FAM151B: variants seen among roughly 807,000 people sequenced by gnomAD.
FAM151B encodes the protein protein FAM151B.
In FAM151B, 24 loss-of-function variants were observed where a neutral mutation model predicts 31.2. The observed-to-expected ratio is 0.77, with a 90% CI of 0.56 to 1.08. FAM151B has a LOEUF of 1.08. FAM151B is among the 50% of genes least tolerant of loss of function. FAM151B has a pLI of 0.00. For missense variants in FAM151B, 293 were observed against 328.6 expected, an observed-to-expected ratio of 0.89 and a Z score of 0.84; for synonymous variants, 105 against 111.4, an observed-to-expected ratio of 0.94 and a Z score of 0.36.
rs373906305 is a variant in FAM151B at position 80,541,625 on chromosome 5, C to T, written c.672-48C>T. The T allele has an allele frequency of 3.1e-5, 49 of 1,565,724 alleles. 1 individual carries two copies. The Middle Eastern group carries it at 6.7e-4, about 21-fold the overall frequency. On this transcript the variant is annotated intron_variant, in intron 5 of 5. Transcript: ENST00000282226. ...TTTTAGGCTTATTGGAATGACTCAT[C>T]GCTTTCTTCCACTTTTAACTGTATA...
chr5:80,511,691 C>A (rs1191042250), intron 2 of FAM151B, among the ~76,000 whole-genome samples: 2 of 152,086 alleles, frequency 1.3e-5, no homozygotes, highest in African/African-American at 4.8e-5. Context: ...ACTGCAACTT[C>A]CGCCTCCTGG....
intron 4 of FAM151B, among the ~76,000 whole-genome samples, chr5:80,520,341 T>G (rs142662174): frequency 6.6e-6 from 1 of 152,104 alleles, no homozygotes; most frequent in East Asian, 1.9e-4. Context: ...GAGTATAGAG[T>G]TATTTAAAAT....
At chr5:80,507,118 CAA>C (rs58200677) in intron 2 of FAM151B, among the ~76,000 whole-genome samples, 15,843 of 112,214 alleles carry the variant, frequency 0.14, 1,495 homozygotes, top group African/African-American at 0.31. Context: ...GACTCCATCT[CAA>C]AAAAAAAAAA....
At chr5:80,508,737 C>T (rs1744075510) in intron 2 of FAM151B, among the ~76,000 whole-genome samples, 1 of 152,192 alleles carries the variant, frequency 6.6e-6, no homozygotes, top group African/African-American at 2.4e-5. Flanking sequence ...TCAGAAGCCA[C>T]ACCCCCGTCT....
chr5:80,531,085 C>T (rs1045341391), intron 5 of FAM151B, among the ~76,000 whole-genome samples: 43 of 152,118 alleles, frequency 2.8e-4, no homozygotes, highest in African/African-American at 9.4e-4. Context: ...TGAGACCGCA[C>T]GTCTGCAACC....
intron 5 of FAM151B, among the ~76,000 whole-genome samples, chr5:80,533,175 A>G (rs1745326495): frequency 6.6e-6 from 1 of 151,584 alleles, no homozygotes; most frequent in African/African-American, 2.4e-5. Flanking sequence ...CAGGAGATCA[A>G]GATCATCCTG....
chr5:80,490,873 T>C (rs1038242526), intron 1 of FAM151B, among the ~76,000 whole-genome samples: 12 of 152,218 alleles, frequency 7.9e-5, no homozygotes, highest in Non-Finnish European at 1.6e-4. Context: ...CTGTGAACAT[T>C]TGTGTACAAG....
At chr5:80,499,298 TAATCAAGAGAAAATATGTTATAC>T (rs1743657993) in intron 1 of FAM151B, among the ~76,000 whole-genome samples, 1 of 152,178 alleles carries the variant, frequency 6.6e-6, no homozygotes, top group Non-Finnish European at 1.5e-5. Flanking sequence ...TTTTAATGCT[TAATCAAGAGAAAATATGTTATAC>T]CAAAAAGTAG....
At chr5:80,508,522 G>A (rs1250429806) in intron 2 of FAM151B, among the ~76,000 whole-genome samples, 1 of 148,744 alleles carries the variant, frequency 6.7e-6, no homozygotes, top group African/African-American at 2.5e-5. Context: ...ATCCCCTAAA[G>A]ACTAATGCTG....
intron 5 of FAM151B, among the ~76,000 whole-genome samples, chr5:80,532,561 C>G (rs879742968): frequency 3.9e-5 from 6 of 152,150 alleles, no homozygotes; most frequent in Non-Finnish European, 7.3e-5. Context: ...CTGGAGACTT[C>G]AACACCCCAC....
At chr5:80,529,759 C>A (rs1418542052) in intron 5 of FAM151B, among the ~76,000 whole-genome samples, 1 of 151,926 alleles carries the variant, frequency 6.6e-6, no homozygotes, top group Non-Finnish European at 1.5e-5. Context: ...GCCCACCAAC[C>A]AAAAAAAGTC....
intron 5 of FAM151B, among the ~76,000 whole-genome samples, chr5:80,530,588 A>G (rs149247597): frequency 6.6e-6 from 1 of 152,354 alleles, no homozygotes; most frequent in East Asian, 1.9e-4. Flanking sequence ...CCTATACACC[A>G]ATAACAGGCA....
chr5:80,512,179 G>A (rs1365303596), intron 2 of FAM151B, among the ~76,000 whole-genome samples: 1 of 152,178 alleles, frequency 6.6e-6, no homozygotes, highest in Middle Eastern at 3.2e-3. Flanking sequence ...ATTTGTGAAA[G>A]ATAAAATTTC....
intron 5 of FAM151B, among the ~76,000 whole-genome samples, chr5:80,527,196 G>A (rs1212493747): frequency 1.3e-5 from 2 of 152,140 alleles, no homozygotes; most frequent in African/African-American, 4.8e-5. Context: ...GCCAAGGTGG[G>A]TGGATCACTT....
intron 5 of FAM151B, among the ~76,000 whole-genome samples, chr5:80,540,394 T>C (rs1484541987): frequency 6.6e-6 from 1 of 152,204 alleles, no homozygotes; most frequent in Non-Finnish European, 1.5e-5. Context: ...ATAAAATTTA[T>C]ATTTATGTTT....
Position 80,494,484 on chromosome 5 carries a change from C to CTTTA in FAM151B, c.25+6339_25+6340insATTT, listed in dbSNP as rs1216097889. 1.7e-3 allele frequency among the ~76,000 whole-genome samples: 240 copies of CTTTA among 142,364 alleles called. 2 individuals carry two copies. The highest frequency in any genetic ancestry group is 6.5e-3 in the African/African-American group (234 of 36,022). The allele number at this position is 142,364 out of a possible 152,430, so 93.4% of individuals were successfully genotyped here. ...TCTTTCTTTCTTTCTTTCTTTCTTT[C>CTTTA]TTTCTTTCTTTCTTTCTTTCTTTCT... is the stretch of plus-strand genomic sequence containing the variant. On this transcript the variant is annotated intron_variant, in intron 1 of 5. Transcript: ENST00000282226.
At chr5:80,505,809 G>A (rs1041095012) in intron 2 of FAM151B, 2 of 130,056 alleles carry the variant, frequency 1.5e-5, no homozygotes, top group African/African-American at 5.9e-5. Context: ...TGGGCTGGAG[G>A]GAAATGGCAC....
intron 5 of FAM151B, among the ~76,000 whole-genome samples, chr5:80,525,360 A>C (rs1189328222): frequency 6.6e-6 from 1 of 152,194 alleles, no homozygotes; most frequent in African/African-American, 2.4e-5. Flanking sequence ...ACAAGTGATG[A>C]ACTGCTGATC....
chr5:80,507,855 T>C (rs993762746), intron 2 of FAM151B, among the ~76,000 whole-genome samples: 47 of 152,190 alleles, frequency 3.1e-4, no homozygotes, highest in African/African-American at 1.1e-3. Context: ...AGCAGTGCCT[T>C]GCATGGCTAC....
Sources: allele counts gnomAD v4.1 joint callset (sites outside exome capture counted in the v4.1 genomes callset), GRCh38; gene constraint gnomAD v4.1.1; transcripts MANE v1.5; gene names NCBI Gene and HGNC (gene_info 2026-07-23, HGNC 2026-07-21).